The following MACROD2 variants were observed in gnomAD, a reference collection of about 807,000 sequenced individuals.
MACROD2 encodes the protein ADP-ribose glycohydrolase MACROD2.
Under a neutral mutation model 70.4 loss-of-function variants are expected in MACROD2, and 36 were observed. The ratio of observed to expected loss-of-function variants is 0.51; its 90% confidence interval spans 0.39 to 0.68. The LOEUF (loss-of-function observed/expected upper bound fraction) is 0.68, where lower values mean the gene tolerates loss of function less well. Among genes scored for constraint, MACROD2 ranks in the 30% least tolerant of loss-of-function variants. The pLI is 0.00. For missense variants in MACROD2, 496 were observed against 538.4 expected (o/e 0.92, Z 0.78); for synonymous variants, 172 against 178.8 (o/e 0.96, Z 0.30).
At chr20:15,129,575 CTG>C (rs890736319) in intron 5 of MACROD2, among the ~76,000 whole-genome samples, 1 of 152,080 alleles carries the variant, frequency 6.6e-6, no homozygotes, top group Non-Finnish European at 1.5e-5. Context: ...TCTTGTATAA[CTG>C]TGGCTTGAAA....
chr20:15,799,620 A>C (rs2063705906), intron 8 of MACROD2, among the ~76,000 whole-genome samples: 1 of 152,202 alleles, frequency 6.6e-6, no homozygotes, highest in South Asian at 2.1e-4. Flanking sequence ...AAATAACAGA[A>C]TTTCATTATT....
At chr20:15,990,217 A>G (rs1278795826) in intron 15 of MACROD2, among the ~76,000 whole-genome samples, 1 of 152,194 alleles carries the variant, frequency 6.6e-6, no homozygotes, top group African/African-American at 2.4e-5. Context: ...TGCAACACAT[A>G]TGAAATCCAG....
intron 4 of MACROD2, among the ~76,000 whole-genome samples, chr20:14,592,192 G>A (rs1475766935): frequency 1.3e-5 from 2 of 152,132 alleles, no homozygotes; most frequent in African/African-American, 2.4e-5. Context: ...ATGGTTAATA[G>A]AAGGCAGTCA....
chr20:15,119,469 G>A (rs2076015338), intron 5 of MACROD2, among the ~76,000 whole-genome samples: 1 of 152,168 alleles, frequency 6.6e-6, no homozygotes, highest in Non-Finnish European at 1.5e-5. Context: ...AATAGACATA[G>A]TAGTGAGGAT....
At chr20:15,706,114 A>C (rs748497744) in intron 8 of MACROD2, among the ~76,000 whole-genome samples, 1 of 152,200 alleles carries the variant, frequency 6.6e-6, no homozygotes, top group African/African-American at 2.4e-5. Context: ...TTTAATTTAG[A>C]AATGTTTGAG....
chr20:14,956,641 A>T (rs2074539458), intron 5 of MACROD2, among the ~76,000 whole-genome samples: 3 of 152,206 alleles, frequency 2.0e-5, no homozygotes, highest in Admixed American at 6.5e-5. Flanking sequence ...GGACATAACC[A>T]TGTTAATTAT....
chr20:15,239,696 A>G (rs1193653444), intron 6 of MACROD2, among the ~76,000 whole-genome samples: 1 of 152,196 alleles, frequency 6.6e-6, no homozygotes, highest in Admixed American at 6.5e-5. Flanking sequence ...TGCACAACAG[A>G]AAAGCTTATA....
chr20:14,378,737 C>T (rs537045241), intron 3 of MACROD2, among the ~76,000 whole-genome samples: 3 of 152,096 alleles, frequency 2.0e-5, no homozygotes, highest in East Asian at 1.9e-4. Context: ...TCCATGAGGC[C>T]GGAGCCCTTA....
chr20:14,982,020 TG>T (rs2074805475), intron 5 of MACROD2, among the ~76,000 whole-genome samples: 2 of 152,062 alleles, frequency 1.3e-5, no homozygotes, highest in South Asian at 4.2e-4. Flanking sequence ...ATGCTGATAG[TG>T]ATATGAACAA....
Position 16,049,939 on chromosome 20 carries a change from G to A in MACROD2, c.*63G>A, listed in dbSNP as rs1211163176. Reference sequence around the variant, plus strand: ...GGAGCTCGGGAAGATAGCAGCACACGCTGTGGAGGAGGGTGGGGGTGGGGG... The same window carrying A: ...GGAGCTCGGGAAGATAGCAGCACACACTGTGGAGGAGGGTGGGGGTGGGGG... On this transcript the variant is annotated 3_prime_UTR_variant, in exon 18 of 18. Coordinates refer to ENST00000684519, the MANE Select transcript of MACROD2 (RefSeq NM_001351661.2). 5 of 1,113,192 alleles carry A rather than the reference G, an allele frequency of 4.5e-6. No homozygotes were observed. Among genetic ancestry groups the A allele is most frequent in the Admixed American group, 3.9e-5 (2 of 51,430 alleles). The allele number at this position is 1,113,192 out of a possible 1,614,324, so 69.0% of individuals were successfully genotyped here. A position where few individuals can be genotyped will look rare whatever the true frequency, so the allele number is the denominator to read the frequency against.
intron 5 of MACROD2, among the ~76,000 whole-genome samples, chr20:14,786,969 T>G (rs138682916): frequency 1.3e-5 from 2 of 152,066 alleles, no homozygotes; most frequent in Non-Finnish European, 2.9e-5. Flanking sequence ...GAAATTCAAA[T>G]GATCATAGGC....
intron 5 of MACROD2, among the ~76,000 whole-genome samples, chr20:15,151,943 G>A (rs1051602265): frequency 1.3e-5 from 2 of 151,998 alleles, no homozygotes; most frequent in Non-Finnish European, 1.5e-5. Flanking sequence ...AGAAGAGGAA[G>A]ATTAGAAAGA....
chr20:14,830,407 G>T (rs956473874), intron 5 of MACROD2, among the ~76,000 whole-genome samples: 1 of 152,000 alleles, frequency 6.6e-6, no homozygotes, highest in Non-Finnish European at 1.5e-5. Flanking sequence ...TATAAATTGA[G>T]ATTTAAAAAA....
intron 8 of MACROD2, among the ~76,000 whole-genome samples, chr20:15,696,614 G>T (rs1468305462): frequency 2.0e-5 from 3 of 150,332 alleles, no homozygotes; most frequent in South Asian, 2.1e-4. Context: ...GTGTCAAAAG[G>T]ATTGGTACCA....
intron 8 of MACROD2, among the ~76,000 whole-genome samples, chr20:15,845,706 A>G (rs548484009): frequency 3.4e-3 from 515 of 152,320 alleles, no homozygotes; most frequent in Non-Finnish European, 4.1e-3. Context: ...TTAAGCCTTG[A>G]TAAGAGTGAT....
At chr20:16,001,380 A>G (rs1048946152) in intron 15 of MACROD2, among the ~76,000 whole-genome samples, 3 of 152,226 alleles carry the variant, frequency 2.0e-5, no homozygotes, top group African/African-American at 7.2e-5. Context: ...AAAAAAGAGA[A>G]AAAGGGAGGC....
chr20:14,013,813 G>A lies in MACROD2; in HGVS notation c.163+11409G>A, dbSNP rs561167448. On this transcript the variant is annotated intron_variant, in intron 2 of 17. Transcript: ENST00000684519. ...TTCTCCTGCCTCAGCCTCCCGAGTC[G>A]CTGGGGTTACAGGCGCCTGCCATCA... Among the ~76,000 whole-genome samples the A allele has an allele frequency of 1.2e-3, 183 of 150,906 alleles. 2 individuals carry two copies. In the Middle Eastern group the frequency reaches 0.034, roughly 28 times the overall value.
intron 3 of MACROD2, among the ~76,000 whole-genome samples, chr20:14,476,637 G>A (rs1488177827): frequency 1.3e-5 from 2 of 152,286 alleles, no homozygotes; most frequent in African/African-American, 2.4e-5. Context: ...GATTACAGGC[G>A]TGAGCCACCA....
chr20:15,371,281 G>T (rs532307676), intron 6 of MACROD2, among the ~76,000 whole-genome samples: 2 of 152,206 alleles, frequency 1.3e-5, no homozygotes, highest in African/African-American at 4.8e-5. Context: ...TATTAAAATA[G>T]TGGTTTTCAA....
Sources: allele counts gnomAD v4.1 joint callset (sites outside exome capture counted in the v4.1 genomes callset), GRCh38; gene constraint gnomAD v4.1.1; transcripts MANE v1.5; gene names NCBI Gene and HGNC (gene_info 2026-07-23, HGNC 2026-07-21).